The following ABCC1 variants were observed in gnomAD, a reference collection of about 807,000 sequenced individuals.
The protein encoded by ABCC1 is multidrug resistance-associated protein 1.
A neutral mutation model predicts 172.9 loss-of-function variants in ABCC1; 83 were observed. That is an observed-to-expected ratio of 0.48 (90% CI 0.40 to 0.58). The LOEUF is 0.58. Ranked by LOEUF, ABCC1 falls within the 20% of genes least tolerant of loss-of-function variation. The pLI, the probability that ABCC1 is intolerant of heterozygous loss-of-function variation, is 0.00. For missense variants in ABCC1, 1,817 were observed against 2,002.7 expected, an observed-to-expected ratio of 0.91 and a Z score of 1.77; for synonymous variants, 937 against 825.2, an observed-to-expected ratio of 1.14 and a Z score of -2.32.
intron 3 of ABCC1, among the ~76,000 whole-genome samples, chr16:16,011,960 C>T (rs1255617011): frequency 6.6e-6 from 1 of 151,680 alleles, no homozygotes; most frequent in Non-Finnish European, 1.5e-5. Flanking sequence ...TGAGCCACCA[C>T]CCCCGGCCAG....
At chr16:16,101,976 A>G (rs1386501759) in intron 19 of ABCC1, among the ~76,000 whole-genome samples, 3 of 152,170 alleles carry the variant, frequency 2.0e-5, no homozygotes, top group Non-Finnish European at 4.4e-5. Context: ...CAATCAGGGA[A>G]GGGTCCACTT....
chr16:15,991,770 G>A (rs752546718), intron 1 of ABCC1, among the ~76,000 whole-genome samples: 2 of 152,060 alleles, frequency 1.3e-5, no homozygotes, highest in Non-Finnish European at 2.9e-5. Context: ...GGCCATACAC[G>A]CCGACTCTGC....
At chr16:15,954,912 G>A (rs918241684) in intron 1 of ABCC1, among the ~76,000 whole-genome samples, 6 of 152,174 alleles carry the variant, frequency 3.9e-5, no homozygotes, top group Non-Finnish European at 7.3e-5. Context: ...TCCCATGTCA[G>A]TCTCCAGCTT....
chr16:16,009,885 T>A lies in ABCC1; in HGVS notation c.335T>A (p.Leu112His). 1 of 1,605,404 alleles carries A rather than the reference T, an allele frequency of 6.2e-7. No homozygotes were observed. The highest frequency in any genetic ancestry group is 8.5e-7 in the Non-Finnish European group (1 of 1,176,238). The change falls in exon 3 of 31, where the codon CTC (leucine) becomes CAC (histidine). Residue 112 changes from leucine (L) to histidine (H), a missense_variant. This residue lies in a region of ABCC1 where 398 missense variants were observed against 384.2 expected (regional missense o/e 1.04). Coordinates refer to ENST00000399410, the MANE Select transcript of ABCC1 (RefSeq NM_004996.4). ...LAPVFLVSPT[L>H]LGITMLLATF... Reference sequence around the variant, plus strand: ...CCAGTGTTTCTGGTCAGCCCAACTCTCTTGGGCATCACCATGGTAAGTAGG... The same window carrying A: ...CCAGTGTTTCTGGTCAGCCCAACTCACTTGGGCATCACCATGGTAAGTAGG...
intron 23 of ABCC1, among the ~76,000 whole-genome samples, chr16:16,118,702 G>A (rs1298704187): frequency 6.6e-6 from 1 of 151,848 alleles, no homozygotes; most frequent in Non-Finnish European, 1.5e-5. Flanking sequence ...AGTTCTAGGT[G>A]CACTGTCGTT....
chr16:16,115,213 G>A lies in ABCC1; in HGVS notation c.3390+137G>A, dbSNP rs1053651180. 3.7e-5 allele frequency: 37 copies of A among 992,708 alleles called. No individual in the cohort carries two copies. In the African/African-American group the frequency reaches 3.9e-4, roughly 10 times the overall value. The allele number at this position is 992,708 out of a possible 1,614,324, so 61.5% of individuals were successfully genotyped here. A position where few individuals can be genotyped will look rare whatever the true frequency, so the allele number is the denominator to read the frequency against. On this transcript the variant is annotated intron_variant, in intron 23 of 30. Coordinates refer to ENST00000399410, the MANE Select transcript of ABCC1 (RefSeq NM_004996.4). ...ATGTAGATTTGTTTTTGTCAGTTTC[G>A]AATACCTAAATTGTTTTTTTGCTCA...
chr16:16,075,735 T>C (rs1341231104), intron 14 of ABCC1, among the ~76,000 whole-genome samples: 2 of 152,208 alleles, frequency 1.3e-5, no homozygotes, highest in Non-Finnish European at 2.9e-5. Flanking sequence ...TCCTCTTTTT[T>C]TGAGTTTATC....
intron 27 of ABCC1, 65 bp from the exon 28 acceptor site, chr16:16,134,285 C>A: frequency 6.3e-7 from 1 of 1,599,018 alleles, no homozygotes; most frequent in Non-Finnish European, 8.5e-7. Flanking sequence ...GATGAGGGCA[C>A]TTTGGGGCAG....
intron 1 of ABCC1, among the ~76,000 whole-genome samples, chr16:15,999,769 TTCTCTC>T (rs1228532784): frequency 7.9e-5 from 2 of 25,366 alleles, no homozygotes; most frequent in Non-Finnish European, 1.8e-4. Flanking sequence ...CCCGGCCTCT[TTCTCTC>T]TCTCTCTCTC....
At chr16:16,112,337 C>G (rs915132784) in intron 22 of ABCC1, among the ~76,000 whole-genome samples, 1 of 151,086 alleles carries the variant, frequency 6.6e-6, no homozygotes, top group Non-Finnish European at 1.5e-5. Flanking sequence ...GCCCTCCAGC[C>G]TGGGTGACAG....
chr16:16,049,503 C>T (rs1490756128), intron 10 of ABCC1, among the ~76,000 whole-genome samples: 2 of 152,148 alleles, frequency 1.3e-5, no homozygotes, highest in African/African-American at 4.8e-5. Context: ...ATCTTTGCCA[C>T]GTACCTTTCC....
intron 1 of ABCC1, among the ~76,000 whole-genome samples, chr16:15,986,006 C>T (rs2046735283): frequency 6.6e-6 from 1 of 151,940 alleles, no homozygotes. Flanking sequence ...GGAATCTCAG[C>T]TCACTGTAGT....
chr16:16,019,189 C>G (rs547114670), intron 5 of ABCC1, among the ~76,000 whole-genome samples: 1 of 151,994 alleles, frequency 6.6e-6, no homozygotes, highest in Non-Finnish European at 1.5e-5. Context: ...ACTGCAACCC[C>G]GCCTCCTGGG....
At chr16:15,978,667 G>A (rs907396027) in intron 1 of ABCC1, among the ~76,000 whole-genome samples, 1 of 152,062 alleles carries the variant, frequency 6.6e-6, no homozygotes, top group African/African-American at 2.4e-5. Flanking sequence ...TAAATGAATG[G>A]GTGGGCCGGT....
intron 23 of ABCC1, among the ~76,000 whole-genome samples, chr16:16,118,049 A>G (rs1381336722): frequency 6.6e-6 from 1 of 152,224 alleles, no homozygotes; most frequent in African/African-American, 2.4e-5. Context: ...AGGATAGATA[A>G]TGTTTTCAAT....
chr16:15,969,052 A>G (rs559188942), intron 1 of ABCC1, among the ~76,000 whole-genome samples: 1 of 152,228 alleles, frequency 6.6e-6, no homozygotes, highest in South Asian at 2.1e-4. Context: ...TACTAAAAAT[A>G]CAAAAATTAA....
rs1301626006 is a variant in ABCC1, at chr16:16,048,135, C to T, written c.1219-7C>T. The T allele has an allele frequency of 3.7e-6, 6 of 1,613,904 alleles. No homozygotes were observed. Among genetic ancestry groups the T allele is most frequent in the Non-Finnish European group, 1.7e-6 (2 of 1,179,954 alleles). ...CTCACCCACCTTCCCTCTCCTTTGT[C>T]CCACAGGCCCTGGTGATCACCAATT... On this transcript the variant is annotated splice_region_variant and splice_polypyrimidine_tract_variant and intron_variant, in intron 9 of 30. Coordinates refer to ENST00000399410, the MANE Select transcript of ABCC1 (RefSeq NM_004996.4).
intron 16 of ABCC1, among the ~76,000 whole-genome samples, chr16:16,079,946 G>GAGA (rs1218657724): frequency 2.0e-5 from 3 of 151,834 alleles, no homozygotes; most frequent in African/African-American, 7.3e-5. Flanking sequence ...GAGTAGCTAG[G>GAGA]ATTACAGGCA....
intron 26 of ABCC1, among the ~76,000 whole-genome samples, chr16:16,127,744 G>C (rs1047512378): frequency 6.6e-6 from 1 of 152,114 alleles, no homozygotes; most frequent in Non-Finnish European, 1.5e-5. Context: ...GGAATTCACA[G>C]AGGTGACCTC....
Sources: gnomAD v4.1 joint callset for allele counts (sites outside exome capture counted in the v4.1 genomes callset) on GRCh38, gnomAD v4.1.1 for gene constraint, gnomAD v4.1.1 regional missense constraint, MANE v1.5 for transcripts, NCBI Gene and HGNC (gene_info 2026-07-23, HGNC 2026-07-21) for gene names.